SDHC: variants seen among roughly 807,000 people sequenced by gnomAD.
The protein encoded by SDHC is succinate dehydrogenase complex subunit C, also known as succinate dehydrogenase cytochrome b560 subunit, mitochondrial.
Under a neutral mutation model 22.6 loss-of-function variants are expected in SDHC, and 11 were observed. The observed-to-expected ratio is 0.49, with a 90% CI of 0.31 to 0.81. The LOEUF (loss-of-function observed/expected upper bound fraction) is 0.81. SDHC is among the 30% of genes least tolerant of loss of function. The pLI is 0.05. For missense variants in SDHC, 160 were observed against 212.0 expected, an observed-to-expected ratio of 0.75 and a Z score of 1.52; for synonymous variants, 80 against 77.8, an observed-to-expected ratio of 1.03 and a Z score of -0.15.
At chr1:161,352,056 G>A (rs1248236124) in intron 4 of SDHC, among the ~76,000 whole-genome samples, 2 of 152,154 alleles carry the variant, frequency 1.3e-5, no homozygotes, top group African/African-American at 4.8e-5. Flanking sequence ...TTTTCTCAGT[G>A]ATTAGATAGG....
At chr1:161,354,310 T>G (rs976260881) in intron 4 of SDHC, among the ~76,000 whole-genome samples, 1 of 152,252 alleles carries the variant, frequency 6.6e-6, no homozygotes, top group Admixed American at 6.5e-5. Flanking sequence ...TGCAAAGATG[T>G]GATCATTGAA....
intron 4 of SDHC, among the ~76,000 whole-genome samples, chr1:161,349,741 T>C (rs1488643888): frequency 6.6e-6 from 1 of 152,174 alleles, no homozygotes; most frequent in Non-Finnish European, 1.5e-5. Context: ...AGACTGAGTG[T>C]AGAAAAAGTG....
intron 3 of SDHC, 103 bp from the exon 4 acceptor site, chr1:161,340,491 A>G: frequency 2.9e-6 from 3 of 1,031,572 alleles, no homozygotes; most frequent in Non-Finnish European, 3.0e-6. Context: ...AAAAGAAAAA[A>G]AAGTGCCTAT....
chr1:161,339,898 G>A (rs1671658464), intron 3 of SDHC, among the ~76,000 whole-genome samples: 1 of 151,422 alleles, frequency 6.6e-6, no homozygotes, highest in South Asian at 2.1e-4. Flanking sequence ...CAGGCTGATT[G>A]CGAACTCCTG....
intron 4 of SDHC, among the ~76,000 whole-genome samples, chr1:161,348,824 C>T (rs913107936): frequency 7.3e-5 from 11 of 151,154 alleles, no homozygotes; most frequent in African/African-American, 1.9e-4. Flanking sequence ...GGTGACAGAG[C>T]GAGACTCTGT....
At chr1:161,315,663 AGT>A (rs2102275340) in intron 1 of SDHC, among the ~76,000 whole-genome samples, 1 of 152,298 alleles carries the variant, frequency 6.6e-6, no homozygotes, top group South Asian at 2.1e-4. Flanking sequence ...ATAGTCATTA[AGT>A]GTATCCATAC....
intron 1 of SDHC, among the ~76,000 whole-genome samples, chr1:161,316,679 A>G (rs1670629811): frequency 6.6e-6 from 1 of 152,172 alleles, no homozygotes; most frequent in African/African-American, 2.4e-5. Flanking sequence ...TGGAAAGGAC[A>G]CCTCCATTTC....
chr1:161,341,267 G>C (rs1671710445), intron 4 of SDHC, among the ~76,000 whole-genome samples: 1 of 152,162 alleles, frequency 6.6e-6, no homozygotes, highest in Admixed American at 6.5e-5. Context: ...ATGAAACACA[G>C]TCCAACCTTA....
intron 1 of SDHC, 127 bp from the exon 2 acceptor site, chr1:161,323,487 A>G: frequency 1.4e-6 from 1 of 717,614 alleles, no homozygotes; most frequent in Non-Finnish European, 2.5e-6. Context: ...GGTATCAAGG[A>G]CACTGATACT....
At chr1:161,323,477 G>A in intron 1 of SDHC, 137 bp from the exon 2 acceptor site, 2 of 664,676 alleles carry the variant, frequency 3.0e-6, no homozygotes, top group Non-Finnish European at 5.4e-6. Context: ...ACTAGAAAAT[G>A]GTATCAAGGA....
chr1:161,360,968 C>G (rs1026582192), intron 5 of SDHC, among the ~76,000 whole-genome samples: 25 of 152,126 alleles, frequency 1.6e-4, no homozygotes, highest in African/African-American at 6.0e-4. Context: ...CAAAAATTAG[C>G]TTGGCATGGT....
intron 3 of SDHC, among the ~76,000 whole-genome samples, chr1:161,338,829 G>A (rs920785712): frequency 1.3e-5 from 2 of 152,206 alleles, no homozygotes; most frequent in African/African-American, 2.4e-5. Flanking sequence ...GACCCAGGTT[G>A]TATTACAGTG....
chr1:161,319,486 G>A (rs1299321918), intron 1 of SDHC, among the ~76,000 whole-genome samples: 4 of 149,366 alleles, frequency 2.7e-5, no homozygotes, highest in South Asian at 2.1e-4. Context: ...TCGCTCTGTC[G>A]CCCAGGGTGG....
At chr1:161,354,036 A>G (rs1422199945) in intron 4 of SDHC, among the ~76,000 whole-genome samples, 1 of 151,784 alleles carries the variant, frequency 6.6e-6, no homozygotes, top group African/African-American at 2.4e-5. Flanking sequence ...TTTTTAGTAG[A>G]GACAGGGTCT....
chr1:161,319,815 A>C (rs1162455459), intron 1 of SDHC, among the ~76,000 whole-genome samples: 1 of 152,140 alleles, frequency 6.6e-6, no homozygotes, highest in Non-Finnish European at 1.5e-5. Flanking sequence ...GAACAGCATG[A>C]GCAAAGGCAT....
intron 4 of SDHC, among the ~76,000 whole-genome samples, chr1:161,343,789 G>GT (rs1671800862): frequency 2.6e-5 from 4 of 151,982 alleles, no homozygotes; most frequent in Admixed American, 2.0e-4. Flanking sequence ...TTAGGCTGTA[G>GT]TTTCCCTTAT....
intron 3 of SDHC, among the ~76,000 whole-genome samples, chr1:161,339,999 T>C (rs1376563017): frequency 6.6e-6 from 1 of 151,684 alleles, no homozygotes; most frequent in Non-Finnish European, 1.5e-5. Flanking sequence ...ATTTTTAAAG[T>C]AAAAAGTGGA....
chr1:161,347,762 A>G (rs1008515611), intron 4 of SDHC, among the ~76,000 whole-genome samples: 2 of 151,970 alleles, frequency 1.3e-5, no homozygotes, highest in Non-Finnish European at 2.9e-5. Context: ...GATACTTGGG[A>G]GGCTGAGGCA....
chr1:161,330,859 G>A (rs1008831576), intron 3 of SDHC, among the ~76,000 whole-genome samples: 2 of 151,976 alleles, frequency 1.3e-5, no homozygotes, highest in African/African-American at 4.8e-5. Context: ...AATTAGCCAG[G>A]TGTGGTGGTG....
Sources: allele counts gnomAD v4.1 joint callset (sites outside exome capture counted in the v4.1 genomes callset), GRCh38; gene constraint gnomAD v4.1.1; transcripts MANE v1.5; gene names NCBI Gene and HGNC (gene_info 2026-07-23, HGNC 2026-07-21).